AGAP3: variants seen among roughly 807,000 people sequenced by gnomAD.
AGAP3 encodes the protein ArfGAP with GTPase domain, ankyrin repeat and PH domain 3, also known as arf-GAP with GTPase, ANK repeat and PH domain-containing protein 3.
A neutral mutation model predicts 96.9 loss-of-function variants in AGAP3; 24 were observed. The observed-to-expected ratio is 0.25, with a 90% CI of 0.18 to 0.35. The LOEUF is 0.35. Ranked by LOEUF, AGAP3 falls within the 10% of genes least tolerant of loss-of-function variation. The pLI is 1.00. For synonymous variants in AGAP3, 563 were observed against 536.1 expected, an observed-to-expected ratio of 1.05 and a Z score of -0.69; for missense variants, 876 against 1,254.2, an observed-to-expected ratio of 0.70 and a Z score of 4.55.
Position 151,140,021 on chromosome 7 carries a change from A to G in AGAP3, c.1709A>G (p.Asp570Gly). Reference protein sequence around the residue: ...AEVLSSSPKLDPPPSPHSNRK... With the variant: ...AEVLSSSPKLGPPPSPHSNRK... ...GTACTCAGTTCCAGCCCCAAGCTGG[A>G]TCCTCCCCCATCTCCCCACTCCAAC... Residue 570 changes from aspartate (D) to glycine (G), a missense_variant, in exon 13 of 18, where the codon GAT becomes GGT. Asp to Gly is a moderately conservative substitution (Grantham distance 94). Around this residue, in one of 8 missense-constraint regions of AGAP3, gnomAD observed 155 missense variants for 144.4 expected, o/e 1.07. Transcript: ENST00000397238. The surrounding 1 kb of genome is among the most constrained non-coding windows in gnomAD (Gnocchi z 5.4). 6.3e-7 allele frequency: 1 copy of G among 1,599,782 alleles called. No homozygotes were observed. The highest frequency in any genetic ancestry group is 1.1e-5 in the South Asian group (1 of 88,400).
In AGAP3 at chr7:151,142,935, A is replaced by C. The variant is rs1472148489; in HGVS notation, c.2273+301A>C. Among the ~76,000 whole-genome samples, 1 of 152,156 alleles carries C rather than the reference A, an allele frequency of 6.6e-6. No homozygotes were observed. Among genetic ancestry groups the C allele is most frequent in the Non-Finnish European group, 1.5e-5 (1 of 68,028 alleles). The stretch of plus-strand genomic sequence containing the variant: ...ACTCCGGAGCTCTGAGATGGGGAGA[A>C]TGGGTGAGAGATAGGGGAGTGTGTG... On this transcript the variant is annotated intron_variant, in intron 16 of 17. Transcript: ENST00000397238. This position sits in a 1 kb window ranked among gnomAD's most constrained non-coding sequence, Gnocchi z 7.5.
chr7:151,099,865 A>T (rs772752014), intron 1 of AGAP3, among the ~76,000 whole-genome samples: 1 of 152,210 alleles, frequency 6.6e-6, no homozygotes, highest in African/African-American at 2.4e-5. Context: ...TATATGTAAT[A>T]GCAGAAAGTT....
chr7:151,123,935 G>T, intron 9 of AGAP3, 49 bp downstream of exon 9: 3 of 1,568,720 alleles, frequency 1.9e-6, no homozygotes, highest in Non-Finnish European at 2.6e-6. Flanking sequence ...TGAGGCCCAG[G>T]AATGTGGCGC....
chr7:151,138,671 A>T (rs1000106804), intron 12 of AGAP3, among the ~76,000 whole-genome samples: 7 of 152,210 alleles, frequency 4.6e-5, no homozygotes, highest in African/African-American at 1.4e-4. Context: ...CCGCATCCCC[A>T]TCAGCCCCCC....
At chr7:151,134,337 G>C in intron 10 of AGAP3, 63 bp from the exon 11 acceptor site, 1 of 1,577,368 alleles carries the variant, frequency 6.3e-7, no homozygotes, top group Non-Finnish European at 8.7e-7. Context: ...GGAGTTGCAA[G>C]GCTCAACGCT....
Position 151,143,284 on chromosome 7 carries a change from C to T in AGAP3, c.2274-57C>T, listed in dbSNP as rs1800892375. The stretch of plus-strand genomic sequence containing the variant: ...TCCTTTCCTGCCCACCTTCCTGGCC[C>T]CACCCGTTGCTCGGTGACCTTCCTT... On this transcript the variant is annotated intron_variant, in intron 16 of 17. Transcript: ENST00000397238. This position sits in a 1 kb window ranked among gnomAD's most constrained non-coding sequence, Gnocchi z 5.9. The T allele has an allele frequency of 6.4e-7, 1 of 1,552,242 alleles. No individual in the cohort carries two copies. Among genetic ancestry groups the T allele is most frequent in the Non-Finnish European group, 8.7e-7 (1 of 1,147,300 alleles).
At position 151,118,468 on chromosome 7, in the gene AGAP3, C is replaced by T. The variant is rs1324714657; in HGVS notation, c.842-37C>T. The T allele has an allele frequency of 3.7e-6, 6 of 1,610,816 alleles. No individual in the cohort carries two copies. Among genetic ancestry groups the T allele is most frequent in the African/African-American group, 1.3e-5 (1 of 75,020 alleles). On this transcript the variant is annotated intron_variant, in intron 6 of 17. Transcript: ENST00000397238. This position sits in a 1 kb window ranked among gnomAD's most constrained non-coding sequence, Gnocchi z 6.1. ...GTGCTAAGCCAGGCTTTTCCCTTCTCTCCAGTGGGTATAATTGACTCTGCT... is the reference window on the plus strand; with the variant it reads ...GTGCTAAGCCAGGCTTTTCCCTTCTTTCCAGTGGGTATAATTGACTCTGCT...
chr7:151,121,803 C>T (rs1043856670), intron 8 of AGAP3, among the ~76,000 whole-genome samples: 2 of 152,208 alleles, frequency 1.3e-5, no homozygotes, highest in Non-Finnish European at 2.9e-5. Flanking sequence ...CCTCAAGACG[C>T]GTCCGTCTCT....
Position 151,143,682 on chromosome 7 carries a change from C to T in AGAP3, c.2530-55C>T. 3 of 1,611,088 alleles carry T rather than the reference C, an allele frequency of 1.9e-6. No homozygotes were observed. The highest frequency in any genetic ancestry group is 2.5e-6 in the Non-Finnish European group (3 of 1,177,622). ...CAACCTCTTCTTTCCTCCCCTACAA[C>T]CAATCTCTCTCCTCCCATGTCTTGC... is the stretch of plus-strand genomic sequence containing the variant. On this transcript the variant is annotated intron_variant, in intron 17 of 17. Transcript: ENST00000397238. The surrounding 1 kb of genome is among the most constrained non-coding windows in gnomAD (Gnocchi z 5.9).
At chr7:151,102,958 T>TGTA (rs1798894291) in intron 1 of AGAP3, among the ~76,000 whole-genome samples, 1 of 152,230 alleles carries the variant, frequency 6.6e-6, no homozygotes, top group South Asian at 2.1e-4. Flanking sequence ...GTTACACACC[T>TGTA]GTAGTCTCAG....
rs142629518 is a variant in AGAP3, at chr7:151,096,005, G to A, written c.331+8933G>A. On this transcript the variant is annotated intron_variant, in intron 1 of 17. Transcript: ENST00000397238. The surrounding 1 kb of genome is among the most constrained non-coding windows in gnomAD (Gnocchi z 4.4). ...TACCACTTGGGAGCTGTGTGACCTC[G>A]GGTGAGTTCCTTAACCCCTCTGTGT... Among the ~76,000 whole-genome samples, 586 of 152,280 alleles carry A rather than the reference G, an allele frequency of 3.8e-3. 3 individuals carry two copies. Among genetic ancestry groups the A allele is most frequent in the African/African-American group, 0.013 (543 of 41,536 alleles).
At chr7:151,123,030 GCAGCTCGGCCCCACGCCCGGCGCTGGC>G in intron 8 of AGAP3, 1 of 1,359,472 alleles carries the variant, frequency 7.4e-7, no homozygotes, top group Non-Finnish European at 9.4e-7. Flanking sequence ...GGAGAAGAAG[GCAGCTCGGCCCCACGCCCGGCGCTGGC>G]CAGCGCGACG....
intron 11 of AGAP3, chr7:151,136,251 G>GT (rs1259665147): frequency 2.0e-5 from 3 of 152,254 alleles, no homozygotes; most frequent in African/African-American, 7.2e-5. Flanking sequence ...CAGCTGGGCT[G>GT]TTTCCCTAGA....
chr7:151,101,171 G>A (rs914216133), intron 1 of AGAP3, among the ~76,000 whole-genome samples: 3 of 152,236 alleles, frequency 2.0e-5, no homozygotes, highest in Admixed American at 6.5e-5. Context: ...CACCAGGCCC[G>A]GCCCCATGAG....
chr7:151,096,673 C>T lies in AGAP3; in HGVS notation c.331+9601C>T, dbSNP rs979678013. Among the ~76,000 whole-genome samples the T allele has an allele frequency of 2.6e-5, 4 of 151,992 alleles. No individual in the cohort carries two copies. The highest frequency in any genetic ancestry group is 3.9e-4 in the East Asian group (2 of 5,148). On this transcript the variant is annotated intron_variant, in intron 1 of 17. Transcript: ENST00000397238. This position sits in a 1 kb window ranked among gnomAD's most constrained non-coding sequence, Gnocchi z 4.4. ...ATTTTTAGTAGAGACGAGGTTTCAC[C>T]GCGTTAGCCAAGGTAGTCTCGATCT...
At chr7:151,102,472 G>A (rs913869281) in intron 1 of AGAP3, among the ~76,000 whole-genome samples, 1 of 151,914 alleles carries the variant, frequency 6.6e-6, no homozygotes, top group East Asian at 1.9e-4. Flanking sequence ...TGCTATCTCA[G>A]AAAGAATGGT....
rs1208621115 is a variant in AGAP3 at position 151,140,283 on chromosome 7, C to G, written c.1804+167C>G. 1.3e-6 allele frequency: 1 copy of G among 764,992 alleles called. No homozygotes were observed. The highest frequency in any genetic ancestry group is 1.8e-5 in the African/African-American group (1 of 55,170). 47.4% of individuals were successfully genotyped at this position (764,992 alleles called of 1,614,324 possible). On this transcript the variant is annotated intron_variant, in intron 13 of 17. Coordinates refer to ENST00000397238, the MANE Select transcript of AGAP3 (RefSeq NM_031946.7). The surrounding 1 kb of genome is among the most constrained non-coding windows in gnomAD (Gnocchi z 5.4). The stretch of plus-strand genomic sequence containing the variant: ...TACAGCTTCTTTTGGTAATCTAGAC[C>G]TGGTATCTTAGAAAAGTTCTTCTGA...
At chr7:151,101,012 C>T (rs1290897454) in intron 1 of AGAP3, among the ~76,000 whole-genome samples, 2 of 152,204 alleles carry the variant, frequency 1.3e-5, no homozygotes, top group African/African-American at 4.8e-5. Flanking sequence ...TTCCAACCAC[C>T]TTCAGGTCCC....
intron 11 of AGAP3, among the ~76,000 whole-genome samples, chr7:151,135,857 G>A (rs1800571130): frequency 6.6e-6 from 1 of 152,242 alleles, no homozygotes. Flanking sequence ...AAATTCCACA[G>A]TAAGTGGGAG....
Sources: gnomAD v4.1 joint callset for allele counts (sites outside exome capture counted in the v4.1 genomes callset) on GRCh38, gnomAD v4.1.1 for gene constraint, gnomAD v4.1.1 regional missense constraint, Gnocchi (gnomAD v3.1) non-coding constraint, MANE v1.5 for transcripts, NCBI Gene and HGNC (gene_info 2026-07-23, HGNC 2026-07-21) for gene names.